NEBL: variants seen among roughly 807,000 people sequenced by gnomAD.
The protein encoded by NEBL is LIM and SH3 protein 2.
Under a neutral mutation model 140.2 loss-of-function variants are expected in NEBL, and 122 were observed. The ratio of observed to expected loss-of-function variants is 0.87; its 90% CI spans 0.75 to 1.01. The LOEUF (loss-of-function observed/expected upper bound fraction) is 1.01, where lower values mean the gene tolerates loss of function less well. NEBL is among the 50% of genes least tolerant of loss of function. The pLI, the probability that NEBL is intolerant of heterozygous loss-of-function variation, is 0.00. For missense variants in NEBL, 1,365 were observed against 1,231.3 expected (o/e 1.11, Z -1.62); for synonymous variants, 436 against 398.9 (o/e 1.09, Z -1.11).
intron 2 of NEBL, among the ~76,000 whole-genome samples, chr10:21,097,180 C>T (rs1048707039): frequency 3.4e-5 from 4 of 117,756 alleles, no homozygotes; most frequent in South Asian, 3.0e-4. Context: ...CGGCCAGGTG[C>T]GGTGGCTCAC....
At chr10:21,225,601 C>T (rs1842134668) in intron 3 of NEBL, among the ~76,000 whole-genome samples, 1 of 152,070 alleles carries the variant, frequency 6.6e-6, no homozygotes, top group Non-Finnish European at 1.5e-5. Flanking sequence ...AGCCACTAGA[C>T]AAAGTTCTTC....
chr10:21,232,343 AC>A (rs1364061673), intron 3 of NEBL, among the ~76,000 whole-genome samples: 2 of 152,214 alleles, frequency 1.3e-5, no homozygotes, highest in Non-Finnish European at 2.9e-5. Context: ...TAAGTGGAAC[AC>A]AAATTTGCCA....
intron 3 of NEBL, among the ~76,000 whole-genome samples, chr10:20,964,430 T>C (rs1836194797): frequency 6.6e-6 from 1 of 152,144 alleles, no homozygotes; most frequent in Admixed American, 6.5e-5. Flanking sequence ...GGTCAGAGCC[T>C]CAAGAAGCTT....
intron 1 of NEBL, among the ~76,000 whole-genome samples, chr10:21,267,467 A>G (rs925702688): frequency 6.6e-6 from 1 of 152,348 alleles, no homozygotes; most frequent in African/African-American, 2.4e-5. Context: ...TTTTCCCAGA[A>G]GCACTTTCTT....
At chr10:21,141,261 T>A (rs1365456573) in intron 2 of NEBL, among the ~76,000 whole-genome samples, 1 of 152,182 alleles carries the variant, frequency 6.6e-6, no homozygotes. Flanking sequence ...TATGACAGTA[T>A]CAATGTTAAT....
At chr10:21,202,817 C>G (rs563582461) in intron 3 of NEBL, among the ~76,000 whole-genome samples, 1 of 152,120 alleles carries the variant, frequency 6.6e-6, no homozygotes, top group Admixed American at 6.6e-5. Context: ...AAAATGGAGA[C>G]TAATTTTGCT....
intron 1 of NEBL, among the ~76,000 whole-genome samples, chr10:21,252,949 C>T (rs1842605593): frequency 6.6e-6 from 1 of 151,866 alleles, no homozygotes. Flanking sequence ...GAGAGAAACT[C>T]CATCCCAAAA....
intron 10 of NEBL, among the ~76,000 whole-genome samples, 157 bp downstream of exon 10, chr10:20,852,388 T>A (rs1474436214): frequency 6.6e-6 from 1 of 152,164 alleles, no homozygotes; most frequent in African/African-American, 2.4e-5. Context: ...CAGCAAATAG[T>A]GTTTGAGATT....
chr10:21,030,354 A>G, intron 2 of NEBL: 3 of 617,802 alleles, frequency 4.9e-6, no homozygotes, highest in Non-Finnish European at 8.9e-6. Context: ...ACACCCGGCA[A>G]AAGTCAATCA....
chr10:20,883,865 T>C (rs1210099368), intron 4 of NEBL, among the ~76,000 whole-genome samples: 1 of 151,118 alleles, frequency 6.6e-6, no homozygotes, highest in Non-Finnish European at 1.5e-5. Flanking sequence ...AAGTACCACT[T>C]TAGAATTAAG....
intron 3 of NEBL, among the ~76,000 whole-genome samples, chr10:21,210,392 C>CA (rs1328926409): frequency 6.6e-6 from 1 of 151,074 alleles, no homozygotes; most frequent in Non-Finnish European, 1.5e-5. Context: ...AATTCTGTCT[C>CA]AAAAAAAAGA....
intron 2 of NEBL, among the ~76,000 whole-genome samples, chr10:21,077,888 C>T (rs1836175988): frequency 6.6e-6 from 1 of 152,104 alleles, no homozygotes; most frequent in Non-Finnish European, 1.5e-5. Context: ...GGGCTTCCCA[C>T]ACTATTCATG....
At chr10:20,809,444 A>T (rs1837915538) in intron 25 of NEBL, among the ~76,000 whole-genome samples, 1 of 152,180 alleles carries the variant, frequency 6.6e-6, no homozygotes, top group South Asian at 2.1e-4. Flanking sequence ...TCTATATATA[A>T]TTCTTTAAAT....
Position 21,120,405 on chromosome 10 carries a change from TA to T in NEBL, c.164+51977del, listed in dbSNP as rs1564518084. Among the ~76,000 whole-genome samples the T allele has an allele frequency of 7.8e-4, 95 of 122,254 alleles. 8 individuals carry two copies. In the East Asian group the frequency reaches 0.021, roughly 27 times the overall value. 80.2% of individuals were successfully genotyped at this position (122,254 alleles called of 152,430 possible). A position where few individuals can be genotyped will look rare whatever the true frequency, so the allele number is the denominator to read the frequency against. On this transcript the variant is annotated intron_variant, in intron 2 of 6. Coordinates refer to the NEBL transcript ENST00000417816. ...AAAAAAAAAAATACATATATATATA[TA>T]TATATATATATATATATAAATTTGA...
chr10:21,163,145 A>C (rs1840623209), intron 2 of NEBL, among the ~76,000 whole-genome samples: 1 of 152,226 alleles, frequency 6.6e-6, no homozygotes, highest in African/African-American at 2.4e-5. Flanking sequence ...AAGGAGGTTA[A>C]ATGGAAGTGG....
At position 21,118,785 on chromosome 10, in the gene NEBL, C is replaced by T. The variant is rs115800000; in HGVS notation, c.164+53598G>A. Among the ~76,000 whole-genome samples the T allele has an allele frequency of 4.4e-3, 676 of 152,202 alleles. 4 individuals are homozygous for T. Among genetic ancestry groups the T allele is most frequent in the African/African-American group, 0.015 (634 of 41,534 alleles). ...AAGCCACTGATTAAGTTTCTCTTTC[C>T]TATGAATGCATAGTCATTTATAGAA... On this transcript the variant is annotated intron_variant, in intron 2 of 6. Transcript: ENST00000417816.
At chr10:21,113,743 A>G (rs1193822196) in intron 2 of NEBL, among the ~76,000 whole-genome samples, 5 of 152,124 alleles carry the variant, frequency 3.3e-5, no homozygotes, top group Non-Finnish European at 7.4e-5. Flanking sequence ...ATACATGCTT[A>G]AAGTATGTAT....
intron 3 of NEBL, among the ~76,000 whole-genome samples, chr10:21,018,185 T>A (rs1415409229): frequency 6.6e-6 from 1 of 152,162 alleles, no homozygotes; most frequent in Non-Finnish European, 1.5e-5. Flanking sequence ...TGTGTGTTAG[T>A]CCTCTTTCCT....
At chr10:21,068,939 G>A (rs1245421648) in intron 2 of NEBL, among the ~76,000 whole-genome samples, 1 of 152,162 alleles carries the variant, frequency 6.6e-6, no homozygotes, top group African/African-American at 2.4e-5. Context: ...AGACTACAGT[G>A]TACAAGTGGC....
Sources: allele counts gnomAD v4.1 joint callset (sites outside exome capture counted in the v4.1 genomes callset), GRCh38; gene constraint gnomAD v4.1.1; transcripts MANE v1.5; gene names NCBI Gene and HGNC (gene_info 2026-07-23, HGNC 2026-07-21).